The following ATP6V0A1 variants were observed in gnomAD, a reference collection of about 807,000 sequenced individuals.
ATP6V0A1 encodes ATPase H+ transporting V0 subunit a1, also known as V-type proton ATPase 116 kDa subunit a 1.
Under a neutral mutation model 105.4 loss-of-function variants are expected in ATP6V0A1, and 43 were observed. The observed-to-expected ratio is 0.41, with a 90% CI of 0.32 to 0.53. The LOEUF (loss-of-function observed/expected upper bound fraction) is 0.53. ATP6V0A1 is among the 20% of genes least tolerant of loss of function. The probability of loss-of-function intolerance (pLI) is 0.30; values close to 1 mark genes in which losing one functional copy is unlikely to be tolerated. For missense variants in ATP6V0A1, 676 were observed against 1,051.1 expected (o/e 0.64, Z 4.93); for synonymous variants, 362 against 372.8 (o/e 0.97, Z 0.33).
intron 5 of ATP6V0A1, among the ~76,000 whole-genome samples, chr17:42,474,369 C>G (rs990336680): frequency 6.6e-6 from 1 of 151,916 alleles, no homozygotes. Context: ...AGCACAAGAC[C>G]GTGGCTATGA....
chr17:42,498,971 G>A lies in ATP6V0A1; in HGVS notation c.1608G>A (p.Lys536=). 5 of 1,613,948 alleles carry A rather than the reference G, an allele frequency of 3.1e-6. No homozygotes were observed. Among genetic ancestry groups the A allele is most frequent in the Non-Finnish European group, 4.2e-6 (5 of 1,179,850 alleles). Residue 536 remains lysine (K), a synonymous_variant, in exon 15 of 22, where the codon AAG becomes AAA. Transcript: ENST00000343619. ...AACTGACGTTCTTGAACTCCTTTAAGATGAAGATGTCTGTTATCCTTGGTA... is the reference window on the plus strand; with the variant it reads ...AACTGACGTTCTTGAACTCCTTTAAAATGAAGATGTCTGTTATCCTTGGTA... ...TNKLTFLNSF[K]MKMSVILGII...
chr17:42,509,865 C>G (rs1322206343), intron 19 of ATP6V0A1: 1 of 152,224 alleles, frequency 6.6e-6, no homozygotes, highest in African/African-American at 2.4e-5. Context: ...TTCAGCTACC[C>G]TTGGCTACCC....
chr17:42,502,942 TAATTA>T (rs1316927596), intron 17 of ATP6V0A1: 1 of 152,600 alleles, frequency 6.6e-6, no homozygotes, highest in African/African-American at 2.4e-5. Context: ...GAATTCTTTT[TAATTA>T]AATTGAGAGC....
chr17:42,490,640 A>G lies in ATP6V0A1; in HGVS notation c.1174+3A>G, dbSNP rs370540642. 51 of 1,573,678 alleles carry G rather than the reference A, an allele frequency of 3.2e-5. No homozygotes were observed. The Middle Eastern group carries it at 1.2e-3, about 37-fold the overall frequency. ...AACTTACCGAGAGATAAATCCAGGT[A>G]AAAAAAAGCTTGTTATCTTTTTCCT... On this transcript the variant is annotated splice_donor_region_variant and intron_variant, in intron 11 of 21. Coordinates refer to ENST00000343619, the MANE Select transcript of ATP6V0A1 (RefSeq NM_001130021.3).
intron 5 of ATP6V0A1, among the ~76,000 whole-genome samples, chr17:42,474,823 G>A (rs1343494816): frequency 6.6e-6 from 1 of 152,220 alleles, no homozygotes; most frequent in African/African-American, 2.4e-5. Flanking sequence ...TTAGGCATAG[G>A]AGTTATGATT....
chr17:42,480,697 A>G lies in ATP6V0A1; in HGVS notation c.664A>G (p.Ile222Val). Residue 222 changes from isoleucine to valine, a missense_variant, in exon 8 of 22, where the codon ATT (isoleucine) becomes GTT (valine). This residue lies in a region of ATP6V0A1 where 239 missense variants were observed against 388.4 expected (regional missense o/e 0.62). Transcript: ENST00000343619. Reference sequence around the variant, plus strand: ...CTACGTGCACAAGTCTGTGTTTATCATTTTCTTCCAAGGCGATCAGCTGAA... The same window carrying G: ...CTACGTGCACAAGTCTGTGTTTATCGTTTTCTTCCAAGGCGATCAGCTGAA... Reference protein sequence around the residue: ...GDYVHKSVFIIFFQGDQLKNR... With the variant: ...GDYVHKSVFIVFFQGDQLKNR... 3 of 1,613,682 alleles carry G rather than the reference A, an allele frequency of 1.9e-6. No individual in the cohort carries two copies. The highest frequency in any genetic ancestry group is 2.5e-6 in the Non-Finnish European group (3 of 1,179,852).
At chr17:42,483,234 C>A in intron 9 of ATP6V0A1, 103 bp downstream of exon 9, 2 of 839,466 alleles carry the variant, frequency 2.4e-6, no homozygotes, top group Non-Finnish European at 3.3e-6. Flanking sequence ...CTGTAGCAAA[C>A]CAGGATACCA....
In ATP6V0A1 at chr17:42,514,335, C is replaced by T. The variant is rs1338596257; in HGVS notation, c.2295C>T (p.Ser765=). ...LWTMVIHIGL[S]VKSLAGGLVL... The stretch of plus-strand genomic sequence containing the variant: ...CCATGGTGATCCACATCGGCCTGAG[C>T]GTGAAGAGCTTGGCGGGAGGTTTGG... The change falls in exon 21 of 22, where the codon AGC becomes AGT. Residue 765 remains serine, a synonymous_variant. Transcript: ENST00000343619. The T allele has an allele frequency of 8.1e-6, 13 of 1,612,512 alleles. No homozygotes were observed. Among genetic ancestry groups the T allele is most frequent in the South Asian group, 2.2e-5 (2 of 90,812 alleles).
chr17:42,507,590 A>G lies in ATP6V0A1; in HGVS notation c.2075A>G (p.His692Arg), dbSNP rs1268922237. 22 of 1,614,114 alleles carry G rather than the reference A, an allele frequency of 1.4e-5. No homozygotes were observed. The highest frequency in any genetic ancestry group is 1.8e-5 in the Non-Finnish European group (21 of 1,180,014). The change falls in exon 18 of 22, where the codon CAT (histidine) becomes CGT (arginine). Residue 692 changes from histidine (H) to arginine (R), a missense_variant. Coordinates refer to ENST00000343619, the MANE Select transcript of ATP6V0A1 (RefSeq NM_001130021.3). Reference protein sequence around the residue: ...PTEEDAEIIQHDQLSTHSEDA... With the variant: ...PTEEDAEIIQRDQLSTHSEDA... Reference sequence around the variant, plus strand: ...GAGGAGGATGCTGAGATTATTCAGCATGACCAGCTCTCCACCCACTCAGAG... The same window carrying G: ...GAGGAGGATGCTGAGATTATTCAGCGTGACCAGCTCTCCACCCACTCAGAG...
At chr17:42,476,114 C>T (rs2145796003) in intron 5 of ATP6V0A1, among the ~76,000 whole-genome samples, 1 of 152,262 alleles carries the variant, frequency 6.6e-6, no homozygotes, top group East Asian at 1.9e-4. Flanking sequence ...TTGTAGTCAG[C>T]TGATTTGATT....
chr17:42,492,410 A>G (rs2145995681), intron 11 of ATP6V0A1, among the ~76,000 whole-genome samples: 1 of 151,060 alleles, frequency 6.6e-6, no homozygotes. Context: ...CGTTCCTTTA[A>G]GAGTTCATCG....
In ATP6V0A1 at chr17:42,521,837, G is replaced by C. The variant is rs1333582613; in HGVS notation, c.*717G>C. On this transcript the variant is annotated 3_prime_UTR_variant, in exon 22 of 22. Transcript: ENST00000343619. The surrounding 1 kb of genome is among the most constrained non-coding windows in gnomAD (Gnocchi z 4.8). ...TTGGAACAGAGGCCTTGGCTGCTCC[G>C]CAGTGCACAGGGCTTCCCTCTCTCG... 2 of 152,666 alleles carry C rather than the reference G, an allele frequency of 1.3e-5. No homozygotes were observed. The highest frequency in any genetic ancestry group is 4.8e-5 in the African/African-American group (2 of 41,512). 9.5% of individuals were successfully genotyped at this position (152,666 alleles called of 1,614,324 possible).
At chr17:42,490,195 G>A (rs968438857) in intron 10 of ATP6V0A1, among the ~76,000 whole-genome samples, 3 of 152,128 alleles carry the variant, frequency 2.0e-5, no homozygotes, top group Non-Finnish European at 4.4e-5. Context: ...ATTTTCTTTG[G>A]TGACATATTT....
At chr17:42,469,438 C>T (rs2087572032) in intron 4 of ATP6V0A1, among the ~76,000 whole-genome samples, 1 of 147,702 alleles carries the variant, frequency 6.8e-6, no homozygotes, top group Admixed American at 6.9e-5. Flanking sequence ...TCAAGCCATT[C>T]TCCTGCCTCA....
chr17:42,482,716 G>A (rs2089669583), intron 8 of ATP6V0A1, among the ~76,000 whole-genome samples: 1 of 151,838 alleles, frequency 6.6e-6, no homozygotes, highest in East Asian at 1.9e-4. Context: ...GGCCAACATG[G>A]TGAAACCCTG....
chr17:42,516,070 C>A (rs1252513636), intron 21 of ATP6V0A1, among the ~76,000 whole-genome samples: 2 of 152,148 alleles, frequency 1.3e-5, no homozygotes, highest in African/African-American at 4.8e-5. Context: ...GCATAGGGGT[C>A]TGACTCACTG....
chr17:42,513,799 C>G (rs773550555), intron 19 of ATP6V0A1, 62 bp from the exon 20 acceptor site: 1 of 1,500,148 alleles, frequency 6.7e-7, no homozygotes, highest in Admixed American at 1.7e-5. Context: ...AGCCACAACT[C>G]AGAATGCCTG....
rs1350296430 is a variant in ATP6V0A1 at position 42,522,400 on chromosome 17, T to TGCTG, written c.*1283_*1286dup. On this transcript the variant is annotated 3_prime_UTR_variant, in exon 22 of 22. Coordinates refer to ENST00000343619, the MANE Select transcript of ATP6V0A1 (RefSeq NM_001130021.3). ...GCTGGCCCTGGGCGGGGCCACTGTG[T>TGCTG]GCTGGCCCACTGTGACCTGACCCGA... The TGCTG allele has an allele frequency of 2.0e-5, 3 of 152,798 alleles. No individual in the cohort carries two copies. The highest frequency in any genetic ancestry group is 2.0e-4 in the Admixed American group (3 of 15,284). 9.5% of individuals were successfully genotyped at this position (152,798 alleles called of 1,614,324 possible).
chr17:42,474,606 C>A (rs572993489), intron 5 of ATP6V0A1, among the ~76,000 whole-genome samples: 3 of 152,150 alleles, frequency 2.0e-5, no homozygotes, highest in Non-Finnish European at 2.9e-5. Flanking sequence ...TCAAATAATG[C>A]GAAAGATAGG....
Sources: gnomAD v4.1 joint callset for allele counts (sites outside exome capture counted in the v4.1 genomes callset) on GRCh38, gnomAD v4.1.1 for gene constraint, gnomAD v4.1.1 regional missense constraint, Gnocchi (gnomAD v3.1) non-coding constraint, MANE v1.5 for transcripts, NCBI Gene and HGNC (gene_info 2026-07-23, HGNC 2026-07-21) for gene names.